RECK: variants seen among roughly 807,000 people sequenced by gnomAD.
RECK encodes the protein reversion-inducing cysteine-rich protein with Kazal motifs.
A neutral mutation model predicts 115.1 loss-of-function variants in RECK; 69 were observed. That is an observed-to-expected ratio of 0.60 (90% CI 0.49 to 0.73). The LOEUF (loss-of-function observed/expected upper bound fraction) is 0.73. Among genes scored for constraint, RECK ranks in the 30% least tolerant of loss-of-function variants. RECK has a pLI of 0.00. For missense variants in RECK, 1,047 were observed against 1,203.7 expected (o/e 0.87, Z 1.93); for synonymous variants, 414 against 419.7 (o/e 0.99, Z 0.17).
intron 18 of RECK, 63 bp downstream of exon 18, chr9:36,119,030 A>C (rs969362281): frequency 6.8e-7 from 1 of 1,470,656 alleles, no homozygotes; most frequent in Non-Finnish European, 9.4e-7. Flanking sequence ...CCACCTCCAG[A>C]GAGTGAGTCA....
chr9:36,058,395 C>T lies in RECK; in HGVS notation c.160-432C>T, dbSNP rs1336229782. Among the ~76,000 whole-genome samples, 67 of 137,344 alleles carry T rather than the reference C, an allele frequency of 4.9e-4. 1 individual carries two copies. Among genetic ancestry groups the T allele is most frequent in the South Asian group, 9.7e-4 (4 of 4,142 alleles). 90.1% of individuals were successfully genotyped at this position (137,344 alleles called of 152,430 possible). On this transcript the variant is annotated intron_variant, in intron 2 of 20. Coordinates refer to ENST00000377966, the MANE Select transcript of RECK (RefSeq NM_021111.3). ...GAAATCATCATTCTCAGTAAACTAT[C>T]GCAAGAACAAAAAACCAAACACCGC...
intron 1 of RECK, among the ~76,000 whole-genome samples, chr9:36,039,163 A>AT (rs1820776650): frequency 3.3e-5 from 3 of 90,004 alleles, no homozygotes; most frequent in Admixed American, 2.8e-4. Flanking sequence ...GCATTGTTTG[A>AT]TAAAAAAAAA....
chr9:36,108,899 C>T (rs1823923838), intron 14 of RECK, among the ~76,000 whole-genome samples: 2 of 152,132 alleles, frequency 1.3e-5, no homozygotes, highest in African/African-American at 4.8e-5. Flanking sequence ...TGTTCCCTCC[C>T]CACAAGCTCA....
In RECK at chr9:36,123,411, C is replaced by G. The variant is rs7026399; in HGVS notation, c.*366C>G. On this transcript the variant is annotated 3_prime_UTR_variant, in exon 21 of 21. Transcript: ENST00000377966. Reference sequence around the variant, plus strand: ...ACTGTACTATCAGGTTCACAAACTTCATTTCAGAGTTCTTTTTGAAGTATT... The same window carrying G: ...ACTGTACTATCAGGTTCACAAACTTGATTTCAGAGTTCTTTTTGAAGTATT... 3,922 of 174,168 alleles carry G rather than the reference C, an allele frequency of 0.023. 176 individuals carry two copies. The highest frequency in any genetic ancestry group is 0.087 in the African/African-American group (3,694 of 42,240). 10.8% of individuals were successfully genotyped at this position (174,168 alleles called of 1,614,324 possible). A position where few individuals can be genotyped will look rare whatever the true frequency, so the allele number is the denominator to read the frequency against.
rs752302753 is a variant in RECK, at chr9:36,122,891, C to T, written c.2762C>T (p.Ala921Val). The change falls in exon 21 of 21, where the codon GCG (alanine) becomes GTG (valine). Residue 921 changes from alanine to valine, a missense_variant. Ala to Val is a moderately conservative substitution (Grantham distance 64). Coordinates refer to ENST00000377966, the MANE Select transcript of RECK (RefSeq NM_021111.3). ...ATCAACTCTGACAGCCCGACTTTGGCGTCCCATGTCCCTCTCTCTGCCCTC... is the reference window on the plus strand; with the variant it reads ...ATCAACTCTGACAGCCCGACTTTGGTGTCCCATGTCCCTCTCTCTGCCCTC... ...SLINSDSPTL[A>V]SHVPLSALII... The T allele has an allele frequency of 5.6e-6, 9 of 1,614,082 alleles. No homozygotes were observed. The highest frequency in any genetic ancestry group is 4.4e-5 in the South Asian group (4 of 91,080).
chr9:36,122,451 G>A (rs967939061), intron 20 of RECK, among the ~76,000 whole-genome samples: 1 of 152,146 alleles, frequency 6.6e-6, no homozygotes, highest in Non-Finnish European at 1.5e-5. Context: ...ATTATTTCTT[G>A]TCTTTCTCTT....
intron 1 of RECK, among the ~76,000 whole-genome samples, chr9:36,039,289 A>G (rs1408682038): frequency 6.6e-6 from 1 of 152,232 alleles, no homozygotes; most frequent in Non-Finnish European, 1.5e-5. Flanking sequence ...AAAGGCTTCC[A>G]CTGTGAATTG....
intron 16 of RECK, among the ~76,000 whole-genome samples, chr9:36,116,023 G>A (rs1824245503): frequency 2.0e-5 from 3 of 151,908 alleles, no homozygotes; most frequent in Non-Finnish European, 4.4e-5. Context: ...GGAAAGACCA[G>A]CTTCATGGTG....
chr9:36,070,971 T>C (rs1215761714), intron 6 of RECK, among the ~76,000 whole-genome samples: 2 of 152,192 alleles, frequency 1.3e-5, no homozygotes. Flanking sequence ...CCTAAAAGTA[T>C]TGGTTAGGCC....
chr9:36,051,098 A>G (rs1821283501), intron 1 of RECK, among the ~76,000 whole-genome samples: 1 of 152,178 alleles, frequency 6.6e-6, no homozygotes, highest in Non-Finnish European at 1.5e-5. Flanking sequence ...TTTTGAATGA[A>G]TGATCAGTGC....
intron 16 of RECK, 48 bp from the exon 17 acceptor site, chr9:36,116,937 A>G (rs1449416892): frequency 2.7e-6 from 4 of 1,508,768 alleles, no homozygotes; most frequent in Non-Finnish European, 3.6e-6. Context: ...TAGCCCCACC[A>G]CAGTCCCTCC....
chr9:36,053,703 T>C (rs778902199), intron 2 of RECK, among the ~76,000 whole-genome samples: 3 of 152,202 alleles, frequency 2.0e-5, no homozygotes, highest in Non-Finnish European at 2.9e-5. Flanking sequence ...TGATGTTCTA[T>C]AGGGTGAATG....
intron 2 of RECK, among the ~76,000 whole-genome samples, chr9:36,058,329 A>T (rs13299601): frequency 0.13 from 19,081 of 147,526 alleles, 2,324 homozygotes; most frequent in African/African-American, 0.31. Context: ...GCCATAAAAA[A>T]TGATGAGTTC....
At chr9:36,081,107 G>A (rs563929535) in intron 7 of RECK, among the ~76,000 whole-genome samples, 120 of 152,196 alleles carry the variant, frequency 7.9e-4, no homozygotes, top group Non-Finnish European at 1.4e-3. Flanking sequence ...GCTTCATGGA[G>A]TTGGTAGCTG....
At chr9:36,102,962 A>T (rs887130338) in intron 12 of RECK, among the ~76,000 whole-genome samples, 2 of 152,036 alleles carry the variant, frequency 1.3e-5, no homozygotes, top group Non-Finnish European at 2.9e-5. Flanking sequence ...TCTAAAAAAA[A>T]AAAAAAAAAT....
At chr9:36,102,654 T>C (rs1312089379) in intron 12 of RECK, among the ~76,000 whole-genome samples, 2 of 151,228 alleles carry the variant, frequency 1.3e-5, no homozygotes, top group Non-Finnish European at 1.5e-5. Context: ...CCCAACAGGG[T>C]ATAAAAAAAT....
chr9:36,114,913 G>A (rs1337450427), intron 16 of RECK, among the ~76,000 whole-genome samples: 2 of 152,124 alleles, frequency 1.3e-5, no homozygotes, highest in Non-Finnish European at 2.9e-5. Context: ...CTCTAGGGAA[G>A]GGAACTAGGT....
At chr9:36,065,710 A>T in intron 6 of RECK, 86 bp downstream of exon 6, 1 of 1,090,946 alleles carries the variant, frequency 9.2e-7, no homozygotes, top group Non-Finnish European at 1.2e-6. Flanking sequence ...AAATGAATTT[A>T]TTTTTATACA....
chr9:36,070,532 T>C (rs1342308964), intron 6 of RECK, among the ~76,000 whole-genome samples: 1 of 141,726 alleles, frequency 7.1e-6, no homozygotes, highest in African/African-American at 2.6e-5. Context: ...AAATAGAGAG[T>C]AGAGAGCTGA....
Sources: allele counts gnomAD v4.1 joint callset (sites outside exome capture counted in the v4.1 genomes callset), GRCh38; gene constraint gnomAD v4.1.1; transcripts MANE v1.5; gene names NCBI Gene and HGNC (gene_info 2026-07-23, HGNC 2026-07-21).